The following MCTP1 variants were observed in gnomAD, a reference collection of about 807,000 sequenced individuals.
The protein encoded by MCTP1 is multiple C2 and transmembrane domain-containing protein 1.
MCTP1 carries 69 observed loss-of-function variants against 120.6 expected under a neutral mutation model. The observed-to-expected ratio is 0.57, with a 90% CI of 0.47 to 0.70. The LOEUF (loss-of-function observed/expected upper bound fraction) is 0.70, where lower values mean the gene tolerates loss of function less well. Ranked by LOEUF, MCTP1 falls within the 30% of genes least tolerant of loss-of-function variation. The pLI is 0.00. For synonymous variants in MCTP1, 529 were observed against 493.1 expected, an observed-to-expected ratio of 1.07 and a Z score of -0.96; for missense variants, 1,203 against 1,248.8, an observed-to-expected ratio of 0.96 and a Z score of 0.55.
chr5:95,098,348 G>A (rs1290809600), intron 1 of MCTP1, among the ~76,000 whole-genome samples: 2 of 152,110 alleles, frequency 1.3e-5, no homozygotes, highest in African/African-American at 4.8e-5. Context: ...TAATCTGTAT[G>A]CAATCTTGAT....
chr5:95,261,771 A>G (rs1175576133), intron 1 of MCTP1, among the ~76,000 whole-genome samples: 1 of 152,242 alleles, frequency 6.6e-6, no homozygotes, highest in Non-Finnish European at 1.5e-5. Flanking sequence ...TGTTCTCTGC[A>G]ATGGAGATGT....
intron 17 of MCTP1, among the ~76,000 whole-genome samples, chr5:94,802,610 G>T (rs1038792606): frequency 6.6e-5 from 10 of 152,134 alleles, no homozygotes; most frequent in African/African-American, 2.2e-4. Context: ...GGTAGTAAGA[G>T]AAATAAGGCA....
At chr5:95,001,253 T>A (rs759218466) in intron 2 of MCTP1, among the ~76,000 whole-genome samples, 1 of 152,146 alleles carries the variant, frequency 6.6e-6, no homozygotes, top group African/African-American at 2.4e-5. Flanking sequence ...CATAGCAGCA[T>A]GAAAACAGAC....
chr5:95,121,936 CAAA>C (rs70978167), intron 1 of MCTP1, among the ~76,000 whole-genome samples: 2 of 112,736 alleles, frequency 1.8e-5, no homozygotes, highest in African/African-American at 3.5e-5. Context: ...TATCCATATG[CAAA>C]AAAAAAAAAA....
chr5:94,911,925 A>G (rs1266309703), intron 9 of MCTP1, among the ~76,000 whole-genome samples: 1 of 152,148 alleles, frequency 6.6e-6, no homozygotes, highest in East Asian at 1.9e-4. Flanking sequence ...TAAATGCGTA[A>G]CATATATTCA....
rs185414738 is a variant in MCTP1 at position 94,982,404 on chromosome 5, C to G, written c.839-29043G>C. ...TGACACACTTATGGTGTATCGAGCA[C>G]ATAATGAGATAGCCATCATTTCAAG... On this transcript the variant is annotated intron_variant, in intron 2 of 22. Transcript: ENST00000515393. 3.9e-5 allele frequency among the ~76,000 whole-genome samples: 6 copies of G among 152,228 alleles called. No homozygotes were observed. The East Asian group carries it at 1.2e-3, about 29-fold the overall frequency.
At chr5:94,950,750 G>C in intron 3 of MCTP1, among the ~76,000 whole-genome samples, 1 of 151,734 alleles carries the variant, frequency 6.6e-6, no homozygotes, top group East Asian at 1.9e-4. Context: ...TCAGGAGATC[G>C]AGACCATCCC....
chr5:94,936,515 A>G (rs1383868170), intron 5 of MCTP1, among the ~76,000 whole-genome samples: 3 of 152,088 alleles, frequency 2.0e-5, no homozygotes, highest in Non-Finnish European at 4.4e-5. Context: ...AGGAGTTTCA[A>G]TTTAATTAGA....
chr5:95,217,107 T>C (rs1397988407), intron 1 of MCTP1, among the ~76,000 whole-genome samples: 1 of 152,232 alleles, frequency 6.6e-6, no homozygotes, highest in Non-Finnish European at 1.5e-5. Flanking sequence ...AGATTACAGA[T>C]GTATGATTAC....
At chr5:94,859,274 C>A (rs1186772781) in intron 17 of MCTP1, among the ~76,000 whole-genome samples, 1 of 151,608 alleles carries the variant, frequency 6.6e-6, no homozygotes, top group Non-Finnish European at 1.5e-5. Flanking sequence ...AAGAACAAAA[C>A]TCTATTTAAA....
chr5:94,999,634 A>C (rs1388863844), intron 2 of MCTP1, among the ~76,000 whole-genome samples: 1 of 152,210 alleles, frequency 6.6e-6, no homozygotes, highest in Non-Finnish European at 1.5e-5. Context: ...ACTTCAGCAT[A>C]ATTAAACAAA....
At chr5:94,768,556 C>A (rs1417526617) in intron 19 of MCTP1, among the ~76,000 whole-genome samples, 1 of 151,938 alleles carries the variant, frequency 6.6e-6, no homozygotes, top group Non-Finnish European at 1.5e-5. Context: ...CCAAATAATC[C>A]AATTAAAAAG....
At chr5:94,828,926 A>T (rs1255019812) in intron 17 of MCTP1, among the ~76,000 whole-genome samples, 1 of 152,192 alleles carries the variant, frequency 6.6e-6, no homozygotes, top group Non-Finnish European at 1.5e-5. Context: ...TCTTGGCTTC[A>T]GCCCCCTTTC....
chr5:94,820,721 C>T (rs1328781705), intron 17 of MCTP1, among the ~76,000 whole-genome samples: 2 of 152,182 alleles, frequency 1.3e-5, no homozygotes, highest in East Asian at 1.9e-4. Flanking sequence ...ACGCTGAACG[C>T]TTGCTGCCCA....
chr5:95,126,705 G>C (rs1758660095), intron 1 of MCTP1, among the ~76,000 whole-genome samples: 1 of 152,114 alleles, frequency 6.6e-6, no homozygotes, highest in South Asian at 2.1e-4. Context: ...TACTACATCT[G>C]CAAGGTACAT....
At position 94,909,380 on chromosome 5, in the gene MCTP1, ATCTGG is replaced by A. The variant is rs1411623360; in HGVS notation, c.1522-4_1522del. 3 of 1,573,180 alleles carry A rather than the reference ATCTGG, an allele frequency of 1.9e-6. No individual in the cohort carries two copies. Among genetic ancestry groups the A allele is most frequent in the Admixed American group, 4.1e-5 (2 of 48,224 alleles). On this transcript the variant is annotated splice_acceptor_variant and splice_polypyrimidine_tract_variant and coding_sequence_variant and intron_variant, in exon 10 of 23. Coordinates refer to ENST00000515393, the MANE Select transcript of MCTP1 (RefSeq NM_024717.7). LOFTEE classifies it high-confidence loss of function. ...CTGAGGATTCAACGTTTTTGGCATA[ATCTGG>A]AAAAAAAAATCATAATTGTCATATT...
intron 7 of MCTP1, among the ~76,000 whole-genome samples, chr5:94,921,993 C>T (rs1461032950): frequency 1.3e-5 from 2 of 152,170 alleles, no homozygotes; most frequent in African/African-American, 4.8e-5. Flanking sequence ...AATATTGCCT[C>T]TGATCATGCC....
At chr5:94,723,119 T>A (rs1023602359) in intron 19 of MCTP1, among the ~76,000 whole-genome samples, 2 of 152,214 alleles carry the variant, frequency 1.3e-5, no homozygotes, top group Non-Finnish European at 2.9e-5. Context: ...TCTCAGCAGT[T>A]TGGCAATTCA....
At chr5:94,857,539 C>A (rs1794943642) in intron 17 of MCTP1, among the ~76,000 whole-genome samples, 1 of 151,584 alleles carries the variant, frequency 6.6e-6, no homozygotes, top group South Asian at 2.1e-4. Flanking sequence ...TTCTTAAATC[C>A]AGTCTAGAAT....
Sources: allele counts gnomAD v4.1 joint callset (sites outside exome capture counted in the v4.1 genomes callset), GRCh38; gene constraint gnomAD v4.1.1; transcripts MANE v1.5; gene names NCBI Gene and HGNC (gene_info 2026-07-23, HGNC 2026-07-21).